Variants in PRORP observed in about 807,000 individuals in gnomAD.
PRORP encodes mitochondrial ribonuclease P catalytic subunit.
A neutral mutation model predicts 59.4 loss-of-function variants in PRORP; 51 were observed. The observed-to-expected ratio is 0.86, with a 90% CI of 0.69 to 1.08. The LOEUF is 1.08. Ranked by LOEUF, PRORP falls within the 50% of genes least tolerant of loss-of-function variation. The pLI is 0.00. For missense variants in PRORP, 646 were observed against 690.3 expected (o/e 0.94, Z 0.72); for synonymous variants, 231 against 245.6 (o/e 0.94, Z 0.55).
chr14:35,194,678 A>ATCAT lies in PRORP; in HGVS notation c.1275+13902_1275+13903insCATT, dbSNP rs544739845. ...GCACGTGTATCCCAGAACTTAAAGT[A>ATCAT]TAATTAATTAATTTTTTTTTAAAAA... On this transcript the variant is annotated intron_variant, in intron 5 of 7. Coordinates refer to ENST00000534898, the MANE Select transcript of PRORP (RefSeq NM_014672.4). 9.6e-3 allele frequency among the ~76,000 whole-genome samples: 1,456 copies of ATCAT among 152,312 alleles called. 10 individuals are homozygous for ATCAT. Among genetic ancestry groups the ATCAT allele is most frequent in the Non-Finnish European group, 0.013 (894 of 68,034 alleles).
At chr14:35,210,532 G>A (rs2049411300) in intron 5 of PRORP, among the ~76,000 whole-genome samples, 2 of 151,574 alleles carry the variant, frequency 1.3e-5, no homozygotes, top group African/African-American at 4.9e-5. Context: ...AGCAGGAGTG[G>A]CAAGAATAGC....
At chr14:35,149,790 G>A (rs73234498) in intron 4 of PRORP, among the ~76,000 whole-genome samples, 2,523 of 152,208 alleles carry the variant, frequency 0.017, 68 homozygotes, top group African/African-American at 0.058. Context: ...CGAGAACTTT[G>A]CATTTGCAAA....
chr14:35,223,418 C>A (rs2049844780), intron 5 of PRORP, among the ~76,000 whole-genome samples: 1 of 151,164 alleles, frequency 6.6e-6, no homozygotes, highest in Non-Finnish European at 1.5e-5. Context: ...CACTTGCCTC[C>A]TTGTATTAAC....
chr14:35,205,810 G>T (rs971228518), intron 5 of PRORP, among the ~76,000 whole-genome samples: 3 of 152,144 alleles, frequency 2.0e-5, no homozygotes, highest in Non-Finnish European at 4.4e-5. Context: ...ATGAAAACGT[G>T]GCTAATTTCT....
intron 5 of PRORP, among the ~76,000 whole-genome samples, chr14:35,260,053 G>A (rs555835036): frequency 1.1e-4 from 13 of 123,222 alleles, no homozygotes; most frequent in African/African-American, 1.9e-4. Context: ...ACTCTGTTGC[G>A]CAGGCTGGAG....
chr14:35,151,321 A>T (rs2047739376), intron 4 of PRORP, among the ~76,000 whole-genome samples: 1 of 152,084 alleles, frequency 6.6e-6, no homozygotes. Context: ...TAGAAACAGT[A>T]ATACTGGTGC....
chr14:35,249,117 C>T (rs1032491215), intron 5 of PRORP, among the ~76,000 whole-genome samples: 2 of 152,154 alleles, frequency 1.3e-5, no homozygotes, highest in Admixed American at 1.3e-4. Context: ...TTAATAAATG[C>T]ACATGAAAGA....
At chr14:35,268,890 G>C (rs1160819139) in intron 6 of PRORP, among the ~76,000 whole-genome samples, 2 of 152,188 alleles carry the variant, frequency 1.3e-5, no homozygotes, top group African/African-American at 4.8e-5. Context: ...CACCTCGCCT[G>C]GCCCCCAAAT....
At chr14:35,169,787 T>A (rs117744656) in intron 4 of PRORP, among the ~76,000 whole-genome samples, 66 of 152,360 alleles carry the variant, frequency 4.3e-4, no homozygotes, top group Admixed American at 7.8e-4. Flanking sequence ...TCTTAGTAGA[T>A]GTTCCATGTG....
chr14:35,135,575 C>T (rs1250984840), intron 4 of PRORP, among the ~76,000 whole-genome samples: 1 of 152,090 alleles, frequency 6.6e-6, no homozygotes, highest in Non-Finnish European at 1.5e-5. Context: ...GAGGGCCTCT[C>T]CTTTCTCATT....
At chr14:35,209,035 A>T (rs2139161028) in intron 5 of PRORP, among the ~76,000 whole-genome samples, 1 of 152,128 alleles carries the variant, frequency 6.6e-6, no homozygotes, top group Non-Finnish European at 1.5e-5. Context: ...TGTCTCAAAA[A>T]ATAAAAATAA....
Position 35,166,023 on chromosome 14 carries a change from T to A in PRORP, c.1168-14647T>A, listed in dbSNP as rs200579199. 1.8e-3 allele frequency among the ~76,000 whole-genome samples: 268 copies of A among 151,946 alleles called. 1 individual carries two copies. The highest frequency in any genetic ancestry group is 3.4e-3 in the Middle Eastern group (1 of 294). The stretch of plus-strand genomic sequence containing the variant: ...AATCTCGGGGAAGTTATATTTTTTT[T>A]AAAAAAAAGATTCTTCTTCTTTTTG... On this transcript the variant is annotated intron_variant, in intron 4 of 7. Transcript: ENST00000534898.
rs1415575318 is a variant in PRORP, at chr14:35,275,438, T to C, written c.*1872T>C. 1.3e-5 allele frequency: 2 copies of C among 152,132 alleles called. No individual in the cohort carries two copies. The highest frequency in any genetic ancestry group is 1.9e-4 in the East Asian group (1 of 5,192). 9.4% of individuals were successfully genotyped at this position (152,132 alleles called of 1,614,324 possible). A position where few individuals can be genotyped will look rare whatever the true frequency, so the allele number is the denominator to read the frequency against. Reference sequence around the variant, plus strand: ...GACAAAAGAGCTCTCCAGGAAAACATTGGATATATTGAGAGCATTAAAAGA... The same window carrying C: ...GACAAAAGAGCTCTCCAGGAAAACACTGGATATATTGAGAGCATTAAAAGA... On this transcript the variant is annotated 3_prime_UTR_variant, in exon 8 of 8. Coordinates refer to ENST00000534898, the MANE Select transcript of PRORP (RefSeq NM_014672.4).
At chr14:35,141,300 A>G (rs1185990331) in intron 4 of PRORP, among the ~76,000 whole-genome samples, 3 of 141,874 alleles carry the variant, frequency 2.1e-5, no homozygotes, top group Non-Finnish European at 4.7e-5. Flanking sequence ...CTTACTATTC[A>G]CCCAGGCTGG....
At chr14:35,182,034 C>T (rs890450274) in intron 5 of PRORP, among the ~76,000 whole-genome samples, 10 of 151,778 alleles carry the variant, frequency 6.6e-5, no homozygotes, top group South Asian at 2.1e-4. Flanking sequence ...GAGGCTGAGG[C>T]GGGCAGATTG....
chr14:35,213,566 A>G (rs1335518576), intron 5 of PRORP, among the ~76,000 whole-genome samples: 2 of 152,156 alleles, frequency 1.3e-5, no homozygotes, highest in Non-Finnish European at 2.9e-5. Context: ...GTAGATTTTT[A>G]TTTAAGGTAG....
chr14:35,191,088 T>C (rs2048871999), intron 5 of PRORP, among the ~76,000 whole-genome samples: 1 of 152,162 alleles, frequency 6.6e-6, no homozygotes. Flanking sequence ...TGTTATATGA[T>C]TTGGCTATGT....
chr14:35,137,892 T>G (rs1455646339), intron 4 of PRORP, among the ~76,000 whole-genome samples: 1 of 145,816 alleles, frequency 6.9e-6, no homozygotes, highest in African/African-American at 2.4e-5. Flanking sequence ...ACTGGTTGTC[T>G]CTTCGTGCAT....
At chr14:35,219,614 G>A (rs79596438) in intron 5 of PRORP, among the ~76,000 whole-genome samples, 52 of 152,338 alleles carry the variant, frequency 3.4e-4, no homozygotes, top group African/African-American at 1.1e-3. Flanking sequence ...ATTTGGGGGT[G>A]CCTAATGGCA....
Sources: allele counts gnomAD v4.1 joint callset (sites outside exome capture counted in the v4.1 genomes callset), GRCh38; gene constraint gnomAD v4.1.1; transcripts MANE v1.5; gene names NCBI Gene and HGNC (gene_info 2026-07-23, HGNC 2026-07-21).